Variants in WWC2 observed in about 807,000 individuals in gnomAD.
WWC2 encodes protein WWC2.
Under a neutral mutation model 138.5 loss-of-function variants are expected in WWC2, and 101 were observed. The ratio of observed to expected loss-of-function variants is 0.73; its 90% CI spans 0.62 to 0.86. The LOEUF (loss-of-function observed/expected upper bound fraction) is 0.86. WWC2 is among the 40% of genes least tolerant of loss of function. The probability of loss-of-function intolerance (pLI) is 0.00; values close to 1 mark genes in which losing one functional copy is unlikely to be tolerated. For synonymous variants in WWC2, 558 were observed against 538.4 expected, an observed-to-expected ratio of 1.04 and a Z score of -0.50; for missense variants, 1,420 against 1,419.4, an observed-to-expected ratio of 1.00 and a Z score of -0.01.
intron 1 of WWC2, among the ~76,000 whole-genome samples, chr4:183,126,390 T>C (rs1732758099): frequency 6.6e-6 from 1 of 152,236 alleles, no homozygotes; most frequent in African/African-American, 2.4e-5. Context: ...GGTTATCAGA[T>C]GCAATGACAT....
intron 1 of WWC2, among the ~76,000 whole-genome samples, chr4:183,125,087 A>C (rs17355396): frequency 5.9e-5 from 9 of 152,090 alleles, no homozygotes; most frequent in African/African-American, 2.2e-4. Context: ...CCGATGCAGG[A>C]ATAAGGGCTG....
At chr4:183,231,203 T>C (rs1282903308) in intron 4 of WWC2, among the ~76,000 whole-genome samples, 1 of 151,712 alleles carries the variant, frequency 6.6e-6, no homozygotes, top group Non-Finnish European at 1.5e-5. Context: ...TTGAAAATTA[T>C]TCACTGTACT....
chr4:183,108,035 T>C (rs1407480738), intron 1 of WWC2, among the ~76,000 whole-genome samples: 1 of 152,204 alleles, frequency 6.6e-6, no homozygotes, highest in Admixed American at 6.5e-5. Context: ...TTTTTTTCTT[T>C]ATTTCAAATG....
chr4:183,218,516 T>A (rs1735821859), intron 4 of WWC2, among the ~76,000 whole-genome samples: 2 of 152,226 alleles, frequency 1.3e-5, no homozygotes, highest in South Asian at 4.1e-4. Flanking sequence ...TTGATACATA[T>A]CTTCTAATCT....
At chr4:183,144,684 G>GAT (rs59187718) in intron 1 of WWC2, among the ~76,000 whole-genome samples, 11,016 of 152,138 alleles carry the variant, frequency 0.072, 733 homozygotes, top group African/African-American at 0.17. Flanking sequence ...ACTTATTCGC[G>GAT]ATGTCTTACT....
chr4:183,194,083 C>T (rs553455400), intron 2 of WWC2, among the ~76,000 whole-genome samples: 23 of 152,266 alleles, frequency 1.5e-4, no homozygotes, highest in Middle Eastern at 3.4e-3. Flanking sequence ...AAGACTTGGG[C>T]GTTGGCACAA....
intron 1 of WWC2, among the ~76,000 whole-genome samples, chr4:183,140,711 C>A (rs1476108804): frequency 6.6e-6 from 1 of 152,042 alleles, no homozygotes; most frequent in Non-Finnish European, 1.5e-5. Context: ...ATTAATAAGA[C>A]CTTGGAAGAA....
chr4:183,219,997 G>C (rs1308904098), intron 4 of WWC2, among the ~76,000 whole-genome samples: 1 of 152,182 alleles, frequency 6.6e-6, no homozygotes, highest in East Asian at 1.9e-4. Flanking sequence ...TCTCTGGCTG[G>C]TTGTAGGGGA....
chr4:183,222,113 T>C (rs1735950912), intron 4 of WWC2, among the ~76,000 whole-genome samples: 1 of 152,144 alleles, frequency 6.6e-6, no homozygotes, highest in African/African-American at 2.4e-5. Context: ...AGTGAAAGTT[T>C]AGTGGTTGCT....
intron 1 of WWC2, among the ~76,000 whole-genome samples, chr4:183,168,376 T>TA (rs1488371266): frequency 2.0e-5 from 3 of 152,076 alleles, no homozygotes; most frequent in African/African-American, 4.8e-5. Context: ...TCACAAAACC[T>TA]AAAAAAATCA....
chr4:183,307,991 CAG>C lies in WWC2; in HGVS notation c.3385-4348_3385-4347del, dbSNP rs1168320646. ...AAGATTTGACCACAAACCTAACAAA[CAG>C]AAACAACTCTGGGAACTAATAAGTG... On this transcript the variant is annotated intron_variant, in intron 21 of 22. Transcript: ENST00000403733. Among the ~76,000 whole-genome samples the C allele has an allele frequency of 2.6e-5, 4 of 151,990 alleles. No homozygotes were observed. The East Asian group carries it at 5.8e-4, about 22-fold the overall frequency.
rs1739461766 is a variant in WWC2 at position 183,317,018 on chromosome 4, A to G, written c.*1289A>G. 1 of 152,200 alleles carries G rather than the reference A, an allele frequency of 6.6e-6. No individual in the cohort carries two copies. The highest frequency in any genetic ancestry group is 2.1e-4 in the South Asian group (1 of 4,828). The allele number at this position is 152,200 out of a possible 1,614,324, so 9.4% of individuals were successfully genotyped here. On this transcript the variant is annotated 3_prime_UTR_variant, in exon 23 of 23. Coordinates refer to ENST00000403733, the MANE Select transcript of WWC2 (RefSeq NM_024949.6). The stretch of plus-strand genomic sequence containing the variant: ...TCCTCAGTGCAGCTCTGCCAGCATC[A>G]AGGCTTTTAAAATATGTAGTATTTA...
intron 4 of WWC2, among the ~76,000 whole-genome samples, chr4:183,238,453 C>A (rs1369135804): frequency 6.6e-6 from 1 of 152,068 alleles, no homozygotes; most frequent in Non-Finnish European, 1.5e-5. Flanking sequence ...TTGCTTTAAT[C>A]TCCTTGATTC....
intron 1 of WWC2, among the ~76,000 whole-genome samples, chr4:183,165,028 A>G (rs1211604157): frequency 6.6e-6 from 1 of 152,216 alleles, no homozygotes; most frequent in Admixed American, 6.5e-5. Context: ...CTGGATTAAC[A>G]ATCATTACCT....
chr4:183,115,551 T>C (rs1732382863), intron 1 of WWC2, among the ~76,000 whole-genome samples: 1 of 152,256 alleles, frequency 6.6e-6, no homozygotes, highest in South Asian at 2.1e-4. Flanking sequence ...TTTTATCTAA[T>C]AGCCATTTTG....
chr4:183,147,004 A>G (rs922788998), intron 1 of WWC2, among the ~76,000 whole-genome samples: 3 of 152,218 alleles, frequency 2.0e-5, no homozygotes, highest in African/African-American at 7.2e-5. Flanking sequence ...GCTTGTTAAA[A>G]TAGTTTCCTA....
chr4:183,203,945 C>T (rs1735374530), intron 2 of WWC2, among the ~76,000 whole-genome samples: 1 of 152,154 alleles, frequency 6.6e-6, no homozygotes, highest in African/African-American at 2.4e-5. Flanking sequence ...TCTTCAGTTT[C>T]CATTTGCATA....
chr4:183,269,314 G>A (rs570935300), intron 15 of WWC2, 151 bp downstream of exon 15: 6 of 789,476 alleles, frequency 7.6e-6, no homozygotes, highest in African/African-American at 3.5e-5. Context: ...ATTTTTTTCT[G>A]AAGTAGTGGT....
At chr4:183,283,525 C>A (rs1054826149) in intron 18 of WWC2, among the ~76,000 whole-genome samples, 2 of 152,176 alleles carry the variant, frequency 1.3e-5, no homozygotes, top group Non-Finnish European at 2.9e-5. Context: ...TAATATTATG[C>A]CCTGAGAACT....
Sources: allele counts gnomAD v4.1 joint callset (sites outside exome capture counted in the v4.1 genomes callset), GRCh38; gene constraint gnomAD v4.1.1; transcripts MANE v1.5; gene names NCBI Gene and HGNC (gene_info 2026-07-23, HGNC 2026-07-21).